Variants in ANO3 observed in about 807,000 individuals in gnomAD.
The protein encoded by ANO3 is anoctamin 3, also known as anoctamin-3.
ANO3 carries 99 observed loss-of-function variants against 144.8 expected under a neutral mutation model. The observed-to-expected ratio is 0.68, with a 90% CI of 0.58 to 0.81. The LOEUF (loss-of-function observed/expected upper bound fraction) is 0.81, where lower values mean the gene tolerates loss of function less well. Ranked by LOEUF, ANO3 falls within the 30% of genes least tolerant of loss-of-function variation. The pLI, the probability that ANO3 is intolerant of heterozygous loss-of-function variation, is 0.00. For synonymous variants in ANO3, 414 were observed against 392.6 expected, an observed-to-expected ratio of 1.05 and a Z score of -0.64; for missense variants, 905 against 1,202.2, an observed-to-expected ratio of 0.75 and a Z score of 3.66.
At chr11:26,194,719 C>T (rs1433868392) in intron 1 of ANO3, among the ~76,000 whole-genome samples, 1 of 151,748 alleles carries the variant, frequency 6.6e-6, no homozygotes, top group Non-Finnish European at 1.5e-5. Context: ...CTCATACCAC[C>T]ACACCTGGCT....
intron 1 of ANO3, among the ~76,000 whole-genome samples, chr11:26,298,843 A>G (rs1854152414): frequency 6.6e-6 from 1 of 152,158 alleles, no homozygotes. Context: ...TTTTGGCCCC[A>G]AGCTTTTCTC....
At position 26,356,773 on chromosome 11, in the gene ANO3, G is replaced by A. The variant is rs552109982; in HGVS notation, c.46+24452G>A. ...GTTCTTTCTGGAGGCTCTAAGGGGA[G>A]AATCCATTTTCCTGCCTTTTTCAAC... On this transcript the variant is annotated intron_variant, in intron 1 of 26. Coordinates refer to ENST00000256737, the MANE Select transcript of ANO3 (RefSeq NM_031418.4). Among the ~76,000 whole-genome samples, 9 of 152,278 alleles carry A rather than the reference G, an allele frequency of 5.9e-5. No individual in the cohort carries two copies. In the South Asian group the frequency reaches 1.7e-3, roughly 28 times the overall value.
chr11:26,418,731 C>T (rs1248628876), intron 1 of ANO3, among the ~76,000 whole-genome samples: 2 of 150,666 alleles, frequency 1.3e-5, no homozygotes, highest in Non-Finnish European at 3.0e-5. Context: ...CACACACTGT[C>T]TCTCTCTCTC....
In ANO3 at chr11:26,363,405, G is replaced by A. The variant is rs951351205; in HGVS notation, c.46+31084G>A. Among the ~76,000 whole-genome samples the A allele has an allele frequency of 2.0e-5, 3 of 152,098 alleles. 1 individual carries two copies. The highest frequency in any genetic ancestry group is 4.4e-5 in the Non-Finnish European group (3 of 68,020). Reference sequence around the variant, plus strand: ...TTTAATTTCAGGAGGGTGTTGGCAGGTGTGGTTTCTCTGGGGGCCTCTCTC... The same window carrying A: ...TTTAATTTCAGGAGGGTGTTGGCAGATGTGGTTTCTCTGGGGGCCTCTCTC... On this transcript the variant is annotated intron_variant, in intron 1 of 26. Transcript: ENST00000256737.
chr11:26,366,169 G>A (rs1465183586), intron 1 of ANO3, among the ~76,000 whole-genome samples: 2 of 151,444 alleles, frequency 1.3e-5, no homozygotes, highest in Non-Finnish European at 2.9e-5. Context: ...AACAGGCTCC[G>A]GTGTGTGATG....
chr11:26,512,387 G>C (rs1861698552), intron 5 of ANO3, among the ~76,000 whole-genome samples: 1 of 152,178 alleles, frequency 6.6e-6, no homozygotes, highest in South Asian at 2.1e-4. Context: ...CATCAGAGCT[G>C]AACAGAATAG....
At chr11:26,379,353 C>T (rs1314702399) in intron 1 of ANO3, among the ~76,000 whole-genome samples, 2 of 152,090 alleles carry the variant, frequency 1.3e-5, no homozygotes, top group Non-Finnish European at 2.9e-5. Context: ...ATCTATTTTC[C>T]ATTTGTAAAT....
At chr11:26,561,326 A>T in intron 14 of ANO3, 3 of 816,944 alleles carry the variant, frequency 3.7e-6, no homozygotes, top group Non-Finnish European at 5.2e-6. Context: ...TGAGAAAATA[A>T]ATATATTTTT....
intron 1 of ANO3, among the ~76,000 whole-genome samples, chr11:26,349,780 C>T (rs984688832): frequency 1.2e-4 from 18 of 152,096 alleles, no homozygotes; most frequent in Admixed American, 4.6e-4. Flanking sequence ...GATCTCCTGA[C>T]CTCGTGATCC....
chr11:26,521,226 T>G (rs1372703709), intron 6 of ANO3, among the ~76,000 whole-genome samples: 2 of 152,170 alleles, frequency 1.3e-5, no homozygotes, highest in Non-Finnish European at 2.9e-5. Flanking sequence ...GCCTTAAAAT[T>G]AAATTATATA....
intron 4 of ANO3, among the ~76,000 whole-genome samples, chr11:26,477,744 T>C (rs1860038527): frequency 6.6e-6 from 1 of 152,148 alleles, no homozygotes; most frequent in African/African-American, 2.4e-5. Context: ...CATTGGAATA[T>C]GTAGAATAGA....
chr11:26,654,373 T>C (rs1171634107), intron 24 of ANO3, among the ~76,000 whole-genome samples: 1 of 152,140 alleles, frequency 6.6e-6, no homozygotes, highest in Non-Finnish European at 1.5e-5. Flanking sequence ...GTATTTGTAA[T>C]GTCACTATAA....
intron 1 of ANO3, among the ~76,000 whole-genome samples, chr11:26,406,565 A>G (rs1014673252): frequency 6.6e-6 from 1 of 151,824 alleles, no homozygotes; most frequent in Non-Finnish European, 1.5e-5. Context: ...TACCTCTCAC[A>G]TAGGCAAAAT....
intron 6 of ANO3, 49 bp from the exon 7 acceptor site, chr11:26,525,586 A>T (rs750736746): frequency 2.7e-6 from 4 of 1,470,262 alleles, no homozygotes; most frequent in South Asian, 1.2e-5. Flanking sequence ...CACTCGTATC[A>T]CTTTATTTTC....
intron 14 of ANO3, 89 bp downstream of exon 14, chr11:26,559,868 A>ACACAC (rs1248459831): frequency 2.5e-5 from 20 of 814,368 alleles, no homozygotes; most frequent in Non-Finnish European, 3.7e-5. Context: ...ACACACACAC[A>ACACAC]CACACACCAT....
intron 4 of ANO3, among the ~76,000 whole-genome samples, chr11:26,490,400 C>G (rs1860657088): frequency 6.6e-6 from 1 of 152,112 alleles, no homozygotes; most frequent in Admixed American, 6.5e-5. Flanking sequence ...CAAACATGCA[C>G]ATTATTATAA....
intron 1 of ANO3, among the ~76,000 whole-genome samples, chr11:26,193,731 T>C (rs1210064870): frequency 6.6e-6 from 1 of 152,194 alleles, no homozygotes; most frequent in Non-Finnish European, 1.5e-5. Context: ...TCATTTATTT[T>C]TGTACTTTTC....
intron 4 of ANO3, chr11:26,474,163 T>C (rs1288958876): frequency 1.1e-6 from 1 of 931,006 alleles, no homozygotes. Context: ...AGGAATTCTA[T>C]ACTATTTTTC....
chr11:26,303,086 T>C (rs951479836), intron 1 of ANO3, among the ~76,000 whole-genome samples: 1 of 152,192 alleles, frequency 6.6e-6, no homozygotes, highest in Non-Finnish European at 1.5e-5. Flanking sequence ...ACTTATACAC[T>C]GTTGGTGGAA....
Sources: gnomAD v4.1 joint callset for allele counts (sites outside exome capture counted in the v4.1 genomes callset) on GRCh38, gnomAD v4.1.1 for gene constraint, MANE v1.5 for transcripts, NCBI Gene and HGNC (gene_info 2026-07-23, HGNC 2026-07-21) for gene names.